Variants in FOCAD observed in about 807,000 individuals in gnomAD.
The protein encoded by FOCAD is focadhesin.
A neutral mutation model predicts 225.6 loss-of-function variants in FOCAD; 198 were observed. The ratio of observed to expected loss-of-function variants is 0.88; its 90% CI spans 0.78 to 0.99. FOCAD has a LOEUF of 0.99. Among genes scored for constraint, FOCAD ranks in the 50% least tolerant of loss-of-function variants. The probability of loss-of-function intolerance (pLI) is 0.00; values close to 1 mark genes in which losing one functional copy is unlikely to be tolerated. For missense variants in FOCAD, 2,713 were observed against 2,123.6 expected (o/e 1.28, Z -5.46); for synonymous variants, 897 against 755.0 (o/e 1.19, Z -3.08).
chr9:20,986,460 A>T lies in FOCAD; in HGVS notation c.4901A>T (p.Asn1634Ile), dbSNP rs374415200. The change falls in exon 40 of 44, where the codon AAT becomes ATT. Residue 1634 changes from asparagine to isoleucine, a missense_variant. Physicochemically the swap from Asn to Ile is moderately radical, Grantham distance 149. Transcript: ENST00000338382. ...LYQARIVSHA[N>I]TGVLKRMEWL... ...CAGGCACGGATTGTGAGCCATGCCAATACGGGTGAGGACACCCTGGGGTGA... is the reference window on the plus strand; with the variant it reads ...CAGGCACGGATTGTGAGCCATGCCATTACGGGTGAGGACACCCTGGGGTGA... 7 of 1,608,214 alleles carry T rather than the reference A, an allele frequency of 4.4e-6. No individual in the cohort carries two copies. The East Asian group carries it at 9.0e-5, about 21-fold the overall frequency.
chr9:20,758,843 G>A (rs1829306711), intron 6 of FOCAD, among the ~76,000 whole-genome samples: 1 of 152,166 alleles, frequency 6.6e-6, no homozygotes, highest in South Asian at 2.1e-4. Context: ...GTTTGCAGAT[G>A]ACATGATTGT....
intron 2 of FOCAD, among the ~76,000 whole-genome samples, chr9:20,676,185 A>ATCTAT: frequency 6.6e-6 from 1 of 152,188 alleles, no homozygotes; most frequent in Non-Finnish European, 1.5e-5. Context: ...AAGTGTTTGA[A>ATCTAT]TCTATTGTGT....
At chr9:20,796,444 G>T (rs1236846599) in intron 11 of FOCAD, among the ~76,000 whole-genome samples, 1 of 152,164 alleles carries the variant, frequency 6.6e-6, no homozygotes, top group African/African-American at 2.4e-5. Flanking sequence ...GTGTAAAAGT[G>T]TTCCTGTTTC....
intron 5 of FOCAD, among the ~76,000 whole-genome samples, chr9:20,745,190 A>T (rs750551813): frequency 1.1e-4 from 16 of 151,788 alleles, no homozygotes; most frequent in African/African-American, 1.7e-4. Context: ...GCTCACTGCA[A>T]CCTCTGCCTC....
chr9:20,747,352 A>G, intron 5 of FOCAD, among the ~76,000 whole-genome samples: 1 of 152,154 alleles, frequency 6.6e-6, no homozygotes, highest in Middle Eastern at 3.2e-3. Context: ...TTAGCAGTAT[A>G]CTTATACTGC....
intron 27 of FOCAD, among the ~76,000 whole-genome samples, chr9:20,932,376 C>T (rs773185897): frequency 2.6e-5 from 4 of 152,120 alleles, no homozygotes; most frequent in Non-Finnish European, 5.9e-5. Flanking sequence ...ACTAAAATGT[C>T]AGTGATGAAG....
chr9:20,774,154 G>A (rs1053755783), intron 8 of FOCAD, among the ~76,000 whole-genome samples: 5 of 152,168 alleles, frequency 3.3e-5, no homozygotes, highest in Admixed American at 6.5e-5. Context: ...TGCCCCAGGT[G>A]TGTGGAAAAA....
chr9:20,762,914 C>G (rs748400152), intron 6 of FOCAD, among the ~76,000 whole-genome samples: 3 of 152,130 alleles, frequency 2.0e-5, no homozygotes, highest in Non-Finnish European at 4.4e-5. Flanking sequence ...TAAATGAGAA[C>G]GGTCAAGCAT....
intron 1 of FOCAD, among the ~76,000 whole-genome samples, chr9:20,692,146 T>C (rs1823016748): frequency 6.6e-6 from 1 of 152,172 alleles, no homozygotes. Context: ...GTATATCCAG[T>C]GACTACTCAG....
At chr9:20,813,385 C>T (rs888186881) in intron 11 of FOCAD, among the ~76,000 whole-genome samples, 8 of 151,992 alleles carry the variant, frequency 5.3e-5, no homozygotes, top group African/African-American at 1.7e-4. Flanking sequence ...ACCTCAAGAT[C>T]GATCATAGAG....
At chr9:20,818,945 G>A (rs1333560220) in intron 11 of FOCAD, among the ~76,000 whole-genome samples, 1 of 152,064 alleles carries the variant, frequency 6.6e-6, no homozygotes, top group Admixed American at 6.6e-5. Flanking sequence ...TTAATTTCAA[G>A]ATCAATTTGG....
At chr9:20,952,904 A>G (rs2132390715) in intron 34 of FOCAD, 81 bp from the exon 35 acceptor site, 1 of 1,084,500 alleles carries the variant, frequency 9.2e-7, no homozygotes, top group East Asian at 2.4e-5. Context: ...CTAGGTTGAT[A>G]TGGCAGCATG....
intron 28 of FOCAD, among the ~76,000 whole-genome samples, chr9:20,937,466 C>T (rs1213305177): frequency 6.6e-6 from 1 of 151,926 alleles, no homozygotes; most frequent in Non-Finnish European, 1.5e-5. Flanking sequence ...CTGACAAAAA[C>T]AAGCAATGGG....
intron 35 of FOCAD, among the ~76,000 whole-genome samples, chr9:20,953,277 T>A (rs1320405641): frequency 1.3e-5 from 2 of 152,230 alleles, no homozygotes; most frequent in Non-Finnish European, 2.9e-5. Flanking sequence ...TTTCTTAGAA[T>A]CACTGTCTCC....
intron 26 of FOCAD, chr9:20,927,707 T>G (rs1835090004): frequency 6.6e-6 from 1 of 152,170 alleles, no homozygotes; most frequent in African/African-American, 2.4e-5. Context: ...TACTATCCAT[T>G]GCCTAGGGAA....
chr9:20,865,564 G>T (rs1829155504), intron 16 of FOCAD, among the ~76,000 whole-genome samples: 1 of 152,052 alleles, frequency 6.6e-6, no homozygotes, highest in Non-Finnish European at 1.5e-5. Flanking sequence ...AGATGTGGAG[G>T]TGTACCATGT....
Position 20,823,058 on chromosome 9 carries a change from T to G in FOCAD, c.1863T>G (p.Asp621Glu). 6.2e-7 allele frequency: 1 copy of G among 1,610,112 alleles called. No homozygotes were observed. The highest frequency in any genetic ancestry group is 8.5e-7 in the Non-Finnish European group (1 of 1,178,316). Residue 621 changes from aspartate (D) to glutamate (E), a missense_variant, in exon 15 of 44, where the codon GAT (aspartate) becomes GAG (glutamate). Coordinates refer to ENST00000338382, the MANE Select transcript of FOCAD (RefSeq NM_001375567.1). ...TGTTGAATGAATGCACCAAGCCTGA[T>G]CAAGCTACTCCAGCAGCCTTGGTAT... ...SQVLNECTKP[D>E]QATPAALVLQ...
chr9:20,912,153 T>C (rs1417606701), intron 22 of FOCAD, among the ~76,000 whole-genome samples: 1 of 151,914 alleles, frequency 6.6e-6, no homozygotes, highest in African/African-American at 2.4e-5. Context: ...TTGTCCAAGT[T>C]AGGGCCCATC....
intron 5 of FOCAD, among the ~76,000 whole-genome samples, chr9:20,745,059 T>G (rs1445498135): frequency 1.3e-5 from 2 of 152,210 alleles, no homozygotes; most frequent in Non-Finnish European, 2.9e-5. Flanking sequence ...AATTTTCTTT[T>G]GTTTAGCTAG....
Sources: gnomAD v4.1 joint callset for allele counts (sites outside exome capture counted in the v4.1 genomes callset) on GRCh38, gnomAD v4.1.1 for gene constraint, MANE v1.5 for transcripts, NCBI Gene and HGNC (gene_info 2026-07-23, HGNC 2026-07-21) for gene names.